NRXN3: variants seen among roughly 807,000 people sequenced by gnomAD.
The protein encoded by NRXN3 is neurexin III.
In NRXN3, 32 loss-of-function variants were observed where a neutral mutation model predicts 137.6. That is an observed-to-expected ratio of 0.23 (90% CI 0.18 to 0.31). The LOEUF (loss-of-function observed/expected upper bound fraction) is 0.31, where lower values mean the gene tolerates loss of function less well. Among genes scored for constraint, NRXN3 ranks in the 10% least tolerant of loss-of-function variants. The probability of loss-of-function intolerance (pLI) is 1.00; values close to 1 mark genes in which losing one functional copy is unlikely to be tolerated. For missense variants in NRXN3, 1,574 were observed against 2,062.5 expected (o/e 0.76, Z 4.59); for synonymous variants, 798 against 784.5 (o/e 1.02, Z -0.29).
chr14:79,623,599 A>T (rs1237422822), intron 16 of NRXN3, among the ~76,000 whole-genome samples: 1 of 152,190 alleles, frequency 6.6e-6, no homozygotes, highest in Non-Finnish European at 1.5e-5. Flanking sequence ...GAAATAATAT[A>T]CTCAACTGCA....
intron 4 of NRXN3, among the ~76,000 whole-genome samples, chr14:78,330,300 A>C (rs995905758): frequency 6.6e-6 from 1 of 152,106 alleles, no homozygotes; most frequent in Non-Finnish European, 1.5e-5. Flanking sequence ...AGGAGTCCCC[A>C]CAATGTGCCT....
Position 79,062,461 on chromosome 14 carries a change from T to A in NRXN3, c.3262+74320T>A, listed in dbSNP as rs186567145. ...CACAATGGCAAAGTTTCCAGGAATG[T>A]CCTTACTGACTCAGGCCCCCCAGAA... On this transcript the variant is annotated intron_variant, in intron 15 of 20. Coordinates refer to ENST00000335750, the MANE Select transcript of NRXN3 (RefSeq NM_001330195.2). 3.0e-3 allele frequency among the ~76,000 whole-genome samples: 458 copies of A among 152,276 alleles called. 1 individual carries two copies. Among genetic ancestry groups the A allele is most frequent in the Non-Finnish European group, 5.2e-3 (354 of 68,024 alleles).
intron 4 of NRXN3, among the ~76,000 whole-genome samples, chr14:78,461,198 T>A (rs1193507316): frequency 6.6e-6 from 1 of 152,242 alleles, no homozygotes; most frequent in Non-Finnish European, 1.5e-5. Context: ...CGCATGCAAC[T>A]GTGTGAGATG....
intron 4 of NRXN3, among the ~76,000 whole-genome samples, chr14:78,517,838 C>A (rs2096232460): frequency 6.6e-6 from 1 of 152,166 alleles, no homozygotes; most frequent in African/African-American, 2.4e-5. Flanking sequence ...CAGAGGGAAA[C>A]ATATGATGTT....
intron 4 of NRXN3, among the ~76,000 whole-genome samples, chr14:78,506,353 A>C (rs113427008): frequency 4.1e-4 from 63 of 152,294 alleles, no homozygotes; most frequent in African/African-American, 1.5e-3. Flanking sequence ...TTGTTTCCAT[A>C]TGTTATTGCG....
At chr14:78,732,446 T>C (rs74593937) in intron 8 of NRXN3, among the ~76,000 whole-genome samples, 1,844 of 152,328 alleles carry the variant, frequency 0.012, 42 homozygotes, top group African/African-American at 0.042. Context: ...GACTAGTTTT[T>C]TATCCTTTCT....
chr14:79,319,576 GA>G (rs1378339227), intron 15 of NRXN3, among the ~76,000 whole-genome samples: 2 of 152,168 alleles, frequency 1.3e-5, no homozygotes, highest in Admixed American at 1.3e-4. Context: ...AGATGAATAG[GA>G]AAAACTGTGT....
At chr14:79,119,314 A>G (rs370757317) in intron 15 of NRXN3, among the ~76,000 whole-genome samples, 6 of 152,122 alleles carry the variant, frequency 3.9e-5, no homozygotes, top group African/African-American at 9.7e-5. Flanking sequence ...CTTCTCTAAT[A>G]TGAATCAAAT....
intron 4 of NRXN3, among the ~76,000 whole-genome samples, chr14:78,434,974 G>T (rs2094012584): frequency 6.6e-6 from 1 of 152,182 alleles, no homozygotes; most frequent in African/African-American, 2.4e-5. Context: ...CTTGCAGGCG[G>T]CTAAAGCCAT....
At chr14:78,174,665 A>C (rs2059090972) in intron 1 of NRXN3, among the ~76,000 whole-genome samples, 1 of 152,136 alleles carries the variant, frequency 6.6e-6, no homozygotes, top group Non-Finnish European at 1.5e-5. Context: ...ATCCAGCCTC[A>C]TACGGTGGCT....
chr14:79,147,701 T>C (rs996991649), intron 15 of NRXN3, among the ~76,000 whole-genome samples: 1 of 152,080 alleles, frequency 6.6e-6, no homozygotes, highest in Non-Finnish European at 1.5e-5. Flanking sequence ...TCATTGTCCA[T>C]ATTCAGGAGG....
intron 20 of NRXN3, among the ~76,000 whole-genome samples, chr14:79,849,399 G>A (rs2099387074): frequency 6.6e-6 from 1 of 152,016 alleles, no homozygotes; most frequent in Admixed American, 6.6e-5. Context: ...AACTCATACA[G>A]CTCAATAACA....
At chr14:79,625,025 C>A (rs753025700) in intron 16 of NRXN3, among the ~76,000 whole-genome samples, 1 of 152,032 alleles carries the variant, frequency 6.6e-6, no homozygotes, top group Non-Finnish European at 1.5e-5. Context: ...TCTCCAACTC[C>A]TGAGCTCAAG....
At chr14:79,577,175 C>A (rs1045213627) in intron 16 of NRXN3, among the ~76,000 whole-genome samples, 3 of 152,174 alleles carry the variant, frequency 2.0e-5, no homozygotes, top group African/African-American at 7.2e-5. Flanking sequence ...GATAGTGAGG[C>A]CTCCCAAGCC....
chr14:78,284,969 G>A (rs1401910936), intron 3 of NRXN3, among the ~76,000 whole-genome samples: 1 of 152,202 alleles, frequency 6.6e-6, no homozygotes, highest in African/African-American at 2.4e-5. Context: ...AAGCAGGGAT[G>A]GTAAGTTTCA....
In NRXN3 at chr14:79,198,724, C is replaced by T. The variant is rs57475464; in HGVS notation, c.3262+210583C>T. On this transcript the variant is annotated intron_variant, in intron 15 of 20. Transcript: ENST00000335750. ...AACTTTCTTCATTGTAGCAGTGAAG[C>T]TGTTAGCTGGTTTACTTAGAAACCT... Among the ~76,000 whole-genome samples, 410 of 152,278 alleles carry T rather than the reference C, an allele frequency of 2.7e-3. 2 individuals carry two copies. Among genetic ancestry groups the T allele is most frequent in the African/African-American group, 9.5e-3 (394 of 41,546 alleles).
chr14:78,462,690 A>G (rs1236769430), intron 4 of NRXN3, among the ~76,000 whole-genome samples: 1 of 152,182 alleles, frequency 6.6e-6, no homozygotes, highest in Non-Finnish European at 1.5e-5. Context: ...TCTTGGCAAA[A>G]CGAATACATA....
chr14:78,328,725 A>T (rs1490290793), intron 4 of NRXN3, among the ~76,000 whole-genome samples: 1 of 152,214 alleles, frequency 6.6e-6, no homozygotes, highest in Non-Finnish European at 1.5e-5. Flanking sequence ...AGAGCTAGGG[A>T]TGGAGATGCT....
At chr14:79,809,227 G>A (rs566130493) in intron 20 of NRXN3, among the ~76,000 whole-genome samples, 2 of 152,226 alleles carry the variant, frequency 1.3e-5, no homozygotes, top group South Asian at 4.2e-4. Context: ...GGGCTGCCCT[G>A]ACAAAATCTA....
Sources: allele counts gnomAD v4.1 joint callset (sites outside exome capture counted in the v4.1 genomes callset), GRCh38; gene constraint gnomAD v4.1.1; transcripts MANE v1.5; gene names NCBI Gene and HGNC (gene_info 2026-07-23, HGNC 2026-07-21).